Variants in TMEM131 observed in about 807,000 individuals in gnomAD.
TMEM131 encodes the protein transmembrane protein 131.
In TMEM131, 66 loss-of-function variants were observed where a neutral mutation model predicts 211.6. That is an observed-to-expected ratio of 0.31 (90% CI 0.26 to 0.38). TMEM131 has a LOEUF of 0.38. Ranked by LOEUF, TMEM131 falls within the 10% of genes least tolerant of loss-of-function variation. The pLI is 1.00. For missense variants in TMEM131, 2,036 were observed against 2,299.3 expected (o/e 0.89, Z 2.34); for synonymous variants, 844 against 841.3 (o/e 1.00, Z -0.06).
rs768451176 is a variant in TMEM131 at position 97,775,869 on chromosome 2, G to C, written c.4294C>G (p.Pro1432Ala). 3.1e-6 allele frequency: 5 copies of C among 1,613,928 alleles called. No individual in the cohort carries two copies. Among genetic ancestry groups the C allele is most frequent in the Non-Finnish European group, 4.2e-6 (5 of 1,179,866 alleles). The stretch of plus-strand genomic sequence containing the variant: ...TCCTTGAGGAGCGGTTCTGTGTCAG[G>C]GTTGGAGGTCTCTGTGGTGGTGGAG... The part of the protein sequence containing the change: ...SSSTTTETSN[P>A]DTEPLLKEDT... Residue 1432 changes from proline to alanine, a missense_variant, in exon 32 of 41, where the codon CCT becomes GCT. Physicochemically the swap from Pro to Ala is conservative, Grantham distance 27. Coordinates refer to ENST00000186436, the MANE Select transcript of TMEM131 (RefSeq NM_015348.2).
At chr2:97,898,781 TGA>T (rs1366759488) in intron 3 of TMEM131, among the ~76,000 whole-genome samples, 2 of 152,210 alleles carry the variant, frequency 1.3e-5, no homozygotes, top group Non-Finnish European at 2.9e-5. Flanking sequence ...ATATCCCTTA[TGA>T]TTTCTTTCTT....
intron 3 of TMEM131, among the ~76,000 whole-genome samples, chr2:97,901,491 T>C (rs769127915): frequency 5.3e-5 from 8 of 152,180 alleles, no homozygotes; most frequent in Non-Finnish European, 7.4e-5. Context: ...AACCCCAGGT[T>C]TACCGTAGCA....
chr2:97,794,887 T>G (rs1573372115), intron 29 of TMEM131, 43 bp downstream of exon 29: 3 of 1,485,896 alleles, frequency 2.0e-6, no homozygotes, highest in Non-Finnish European at 2.7e-6. Context: ...ATCAACAGTG[T>G]TAAATGTTGA....
At chr2:97,880,680 T>C (rs376777572) in intron 4 of TMEM131, among the ~76,000 whole-genome samples, 14 of 152,024 alleles carry the variant, frequency 9.2e-5, no homozygotes, top group East Asian at 5.8e-4. Flanking sequence ...TAGTGTGGTG[T>C]TGGAGACACA....
chr2:97,955,273 T>G (rs1435869038), intron 1 of TMEM131, among the ~76,000 whole-genome samples: 1 of 152,060 alleles, frequency 6.6e-6, no homozygotes, highest in Non-Finnish European at 1.5e-5. Context: ...AAATCCAACA[T>G]CTCATCATGA....
chr2:97,889,510 A>G (rs530395784), intron 3 of TMEM131, among the ~76,000 whole-genome samples: 84 of 150,984 alleles, frequency 5.6e-4, no homozygotes, highest in African/African-American at 1.9e-3. Flanking sequence ...TCAAGGAAAA[A>G]TAAAGTATAA....
chr2:97,869,715 CAT>C (rs1674416268), intron 4 of TMEM131, among the ~76,000 whole-genome samples: 1 of 152,184 alleles, frequency 6.6e-6, no homozygotes, highest in Non-Finnish European at 1.5e-5. Flanking sequence ...TCCTCCTCAC[CAT>C]CCTCCGTTCC....
At chr2:97,943,173 A>G (rs914531191) in intron 1 of TMEM131, among the ~76,000 whole-genome samples, 3 of 152,160 alleles carry the variant, frequency 2.0e-5, no homozygotes, top group Middle Eastern at 3.4e-3. Context: ...GCTTAAACCC[A>G]GAAGTCTGAA....
chr2:97,906,591 G>A (rs773615330), intron 3 of TMEM131, among the ~76,000 whole-genome samples: 82 of 152,302 alleles, frequency 5.4e-4, no homozygotes, highest in Non-Finnish European at 9.3e-4. Context: ...TTCACTCTTG[G>A]AGTCCAGCCA....
chr2:97,757,269 T>C lies in TMEM131; in HGVS notation c.5482A>G (p.Ser1828Gly). The change falls in exon 41 of 41, where the codon AGC becomes GGC. Residue 1828 changes from serine to glycine, a missense_variant. Physicochemically the swap from Ser to Gly is moderately conservative, Grantham distance 56. Around this residue, in one of 3 missense-constraint regions of TMEM131, gnomAD observed 1,623 missense variants for 1,805.9 expected, o/e 0.90. Transcript: ENST00000186436. The part of the protein sequence containing the change: ...PFTTPANTLA[S>G]IGLMGTENSP... Reference sequence around the variant, plus strand: ...TTTTCTGTGCCCATGAGGCCGATGCTTGCCAGCGTGTTTGCTGGAGTGGTG... The same window carrying C: ...TTTTCTGTGCCCATGAGGCCGATGCCTGCCAGCGTGTTTGCTGGAGTGGTG... 3.1e-6 allele frequency: 5 copies of C among 1,613,932 alleles called. No homozygotes were observed. Among genetic ancestry groups the C allele is most frequent in the Non-Finnish European group, 4.2e-6 (5 of 1,179,888 alleles).
At chr2:97,822,819 T>G (rs1020709700) in intron 11 of TMEM131, among the ~76,000 whole-genome samples, 3 of 152,032 alleles carry the variant, frequency 2.0e-5, no homozygotes, top group Non-Finnish European at 4.4e-5. Flanking sequence ...GTCTTTCAGA[T>G]GGGAAACACT....
chr2:97,774,328 G>T (rs1679610325), intron 32 of TMEM131, among the ~76,000 whole-genome samples: 1 of 152,254 alleles, frequency 6.6e-6, no homozygotes, highest in Non-Finnish European at 1.5e-5. Context: ...TGTGTTGACT[G>T]AATGGGTAGA....
In TMEM131 at chr2:97,907,803, C is replaced by T. The variant is rs193101411; in HGVS notation, c.290+855G>A. 1.7e-3 allele frequency among the ~76,000 whole-genome samples: 252 copies of T among 152,284 alleles called. 2 individuals carry two copies. The highest frequency in any genetic ancestry group is 5.9e-3 in the African/African-American group (244 of 41,554). On this transcript the variant is annotated intron_variant, in intron 3 of 40. Transcript: ENST00000186436. ...CCTGAAAGCCCTATTGACACCACTG[C>T]CAGCCGTTCAATTGTTACTAAAGGG...
chr2:97,807,192 G>C (rs1044902470), intron 19 of TMEM131, among the ~76,000 whole-genome samples: 11 of 152,168 alleles, frequency 7.2e-5, no homozygotes, highest in Non-Finnish European at 1.3e-4. Flanking sequence ...AGAATTCCAA[G>C]CAAGTATCTG....
intron 1 of TMEM131, among the ~76,000 whole-genome samples, chr2:97,946,094 G>T (rs1324363138): frequency 4.0e-5 from 6 of 151,766 alleles, no homozygotes; most frequent in African/African-American, 1.2e-4. Flanking sequence ...TATTGTGCAG[G>T]GATTTTATCT....
intron 11 of TMEM131, among the ~76,000 whole-genome samples, chr2:97,824,559 G>C (rs1207456388): frequency 2.0e-5 from 3 of 152,194 alleles, no homozygotes; most frequent in Non-Finnish European, 4.4e-5. Flanking sequence ...CCTTATTAGG[G>C]AGAGATATAT....
chr2:97,938,176 CA>C (rs1677536900), intron 1 of TMEM131, among the ~76,000 whole-genome samples: 2 of 152,100 alleles, frequency 1.3e-5, no homozygotes, highest in Non-Finnish European at 2.9e-5. Flanking sequence ...TCACATATAA[CA>C]ATATTAACCT....
At chr2:97,797,300 T>C in intron 26 of TMEM131, 65 bp downstream of exon 26, 1 of 1,427,822 alleles carries the variant, frequency 7.0e-7, no homozygotes, top group Non-Finnish European at 9.5e-7. Context: ...AAATTCATCT[T>C]AAAACAAGTG....
intron 2 of TMEM131, among the ~76,000 whole-genome samples, chr2:97,922,263 C>T (rs893266988): frequency 6.6e-6 from 1 of 152,124 alleles, no homozygotes; most frequent in African/African-American, 2.4e-5. Context: ...AGGTAATGTT[C>T]ACTTCTTCAC....
Sources: allele counts gnomAD v4.1 joint callset (sites outside exome capture counted in the v4.1 genomes callset), GRCh38; gene constraint gnomAD v4.1.1; regional missense constraint gnomAD v4.1.1; transcripts MANE v1.5; gene names NCBI Gene and HGNC (gene_info 2026-07-23, HGNC 2026-07-21).